JARID2: variants seen among roughly 807,000 people sequenced by gnomAD.
JARID2 encodes the protein jumonji and AT-rich interaction domain containing 2.
In JARID2, 21 loss-of-function variants were observed where a neutral mutation model predicts 125.6. The ratio of observed to expected loss-of-function variants is 0.17; its 90% confidence interval spans 0.12 to 0.24. JARID2 has a LOEUF of 0.24. Among genes scored for constraint, JARID2 ranks in the 10% least tolerant of loss-of-function variants. The pLI is 1.00. For synonymous variants in JARID2, 736 were observed against 661.6 expected (o/e 1.11, Z -1.73); for missense variants, 1,303 against 1,639.6 (o/e 0.79, Z 3.55).
intron 16 of JARID2, among the ~76,000 whole-genome samples, chr6:15,516,909 C>CT (rs149883404): frequency 6.6e-6 from 1 of 152,356 alleles, no homozygotes; most frequent in East Asian, 1.9e-4. Flanking sequence ...ACTCCCAGGT[C>CT]TAACTCAGAG....
chr6:15,491,804 G>A (rs1473271599), intron 6 of JARID2, among the ~76,000 whole-genome samples: 1 of 152,122 alleles, frequency 6.6e-6, no homozygotes, highest in African/African-American at 2.4e-5. Flanking sequence ...AAGGATGGAG[G>A]GGAGAGATTT....
At chr6:15,428,775 A>G (rs557569436) in intron 3 of JARID2, among the ~76,000 whole-genome samples, 2 of 152,038 alleles carry the variant, frequency 1.3e-5, no homozygotes, top group African/African-American at 2.4e-5. Flanking sequence ...GCCTGGTGGC[A>G]CACACGTGTA....
chr6:15,412,768 C>G (rs755657978), intron 3 of JARID2, among the ~76,000 whole-genome samples: 42 of 152,346 alleles, frequency 2.8e-4, no homozygotes, highest in Admixed American at 7.2e-4. Context: ...ATTTCCAGAG[C>G]TTCGGTAGTA....
rs115424982 is a variant in JARID2 at position 15,382,862 on chromosome 6, C to T, written c.181+8610C>T. 5.7e-3 allele frequency among the ~76,000 whole-genome samples: 863 copies of T among 152,308 alleles called. 9 individuals carry two copies. The highest frequency in any genetic ancestry group is 0.018 in the African/African-American group (755 of 41,554). On this transcript the variant is annotated intron_variant, in intron 2 of 17. Coordinates refer to ENST00000341776, the MANE Select transcript of JARID2 (RefSeq NM_004973.4). ...CACTGCCCCTCTCTTTCTCTCTGCC[C>T]GCCTCCTTTGTCAGTTCTGTGAGCT...
chr6:15,336,356 C>T (rs1762878927), intron 1 of JARID2, among the ~76,000 whole-genome samples: 2 of 152,316 alleles, frequency 1.3e-5, no homozygotes, highest in East Asian at 3.9e-4. Context: ...AAAATAGGAA[C>T]CTAAGATTAA....
chr6:15,291,151 C>T lies in JARID2; in HGVS notation c.45+44567C>T, dbSNP rs564421354. ...CTCAGGACGTTGCGGTGGGAGATTGCTTGAGCCCAGGAGTTCAAGGCTGTT... is the reference window on the plus strand; with the variant it reads ...CTCAGGACGTTGCGGTGGGAGATTGTTTGAGCCCAGGAGTTCAAGGCTGTT... On this transcript the variant is annotated intron_variant, in intron 1 of 17. Transcript: ENST00000341776. Among the ~76,000 whole-genome samples the T allele has an allele frequency of 2.6e-5, 4 of 152,244 alleles. No individual in the cohort carries two copies. In the East Asian group the frequency reaches 7.7e-4, roughly 29 times the overall value.
intron 1 of JARID2, among the ~76,000 whole-genome samples, chr6:15,259,969 T>G (rs1759810057): frequency 6.6e-6 from 1 of 152,220 alleles, no homozygotes; most frequent in Non-Finnish European, 1.5e-5. Flanking sequence ...CAGCAGTGTT[T>G]GGGCCTGGCA....
intron 5 of JARID2, among the ~76,000 whole-genome samples, chr6:15,476,487 C>T (rs1173506102): frequency 6.6e-6 from 1 of 152,224 alleles, no homozygotes; most frequent in African/African-American, 2.4e-5. Context: ...CCTGCAAGAG[C>T]CTGCTGTCCC....
intron 3 of JARID2, among the ~76,000 whole-genome samples, chr6:15,441,706 A>G (rs1277797528): frequency 6.6e-6 from 1 of 152,152 alleles, no homozygotes; most frequent in Admixed American, 6.5e-5. Flanking sequence ...GCACAACTCC[A>G]TCTGGTATGA....
chr6:15,469,418 C>G, intron 5 of JARID2, among the ~76,000 whole-genome samples: 1 of 110,554 alleles, frequency 9.0e-6, no homozygotes, highest in Non-Finnish European at 1.8e-5. Flanking sequence ...CTCTCCGCTT[C>G]TCCGCTTTTC....
At chr6:15,323,947 C>T (rs544232591) in intron 1 of JARID2, among the ~76,000 whole-genome samples, 1 of 151,652 alleles carries the variant, frequency 6.6e-6, no homozygotes, top group Non-Finnish European at 1.5e-5. Context: ...TTTTGGGAGG[C>T]TGAGGCGGGC....
intron 4 of JARID2, among the ~76,000 whole-genome samples, chr6:15,464,052 T>C (rs368802224): frequency 6.6e-6 from 1 of 152,244 alleles, no homozygotes; most frequent in Non-Finnish European, 1.5e-5. Flanking sequence ...TTGTGTCTTA[T>C]GCATTTGAGG....
intron 1 of JARID2, among the ~76,000 whole-genome samples, chr6:15,336,533 C>G (rs149031996): frequency 7.9e-5 from 12 of 151,828 alleles, no homozygotes; most frequent in African/African-American, 2.7e-4. Flanking sequence ...GTAGGGAAAC[C>G]GTTTTGTCTG....
At chr6:15,382,024 C>T (rs965223470) in intron 2 of JARID2, among the ~76,000 whole-genome samples, 17 of 152,378 alleles carry the variant, frequency 1.1e-4, no homozygotes, top group African/African-American at 4.1e-4. Context: ...TGGCTCACGC[C>T]TGTAATCCCA....
chr6:15,510,779 G>T (rs138083635), intron 12 of JARID2, among the ~76,000 whole-genome samples: 20 of 152,282 alleles, frequency 1.3e-4, no homozygotes, highest in African/African-American at 4.6e-4. Context: ...GCATGAGCCT[G>T]GCTCCTTCCC....
In JARID2 at chr6:15,487,313, A is replaced by G. The variant is rs778012192; in HGVS notation, c.677A>G (p.Asn226Ser). ...TTTTCTCCTTCCTTTCTAGTTTTCA[A>G]TGGTTCCAGCAGGTCAACACGGGAG... ...HKHVHNGHVF[N>S]GSSRSTREKE... The change falls in exon 6 of 18, where the codon AAT becomes AGT. Residue 226 changes from asparagine to serine, a missense_variant. Coordinates refer to ENST00000341776, the MANE Select transcript of JARID2 (RefSeq NM_004973.4). 94 of 1,613,678 alleles carry G rather than the reference A, an allele frequency of 5.8e-5. No homozygotes were observed. Among genetic ancestry groups the G allele is most frequent in the African/African-American group, 3.3e-4 (25 of 74,894 alleles).
chr6:15,393,334 C>T (rs1765095829), intron 2 of JARID2, among the ~76,000 whole-genome samples: 1 of 152,162 alleles, frequency 6.6e-6, no homozygotes, highest in South Asian at 2.1e-4. Context: ...TTGCTGAGTT[C>T]AAAATTATCT....
intron 1 of JARID2, among the ~76,000 whole-genome samples, chr6:15,297,486 C>T (rs1434855759): frequency 6.6e-6 from 1 of 150,784 alleles, no homozygotes; most frequent in Non-Finnish European, 1.5e-5. Context: ...ACATACAGCA[C>T]TCTTTTTTTT....
intron 5 of JARID2, among the ~76,000 whole-genome samples, chr6:15,473,278 T>C (rs1412401928): frequency 6.6e-6 from 1 of 152,228 alleles, no homozygotes; most frequent in Non-Finnish European, 1.5e-5. Flanking sequence ...GCCCCTGTGC[T>C]GACGTAAGCG....
Sources: gnomAD v4.1 joint callset for allele counts (sites outside exome capture counted in the v4.1 genomes callset) on GRCh38, gnomAD v4.1.1 for gene constraint, MANE v1.5 for transcripts, NCBI Gene and HGNC (gene_info 2026-07-23, HGNC 2026-07-21) for gene names.